The following MIGA1 variants were observed in gnomAD, a reference collection of about 807,000 sequenced individuals.
MIGA1 encodes the protein mitoguardin 1.
In MIGA1, 58 loss-of-function variants were observed where a neutral mutation model predicts 82.0. The observed-to-expected ratio is 0.71, with a 90% CI of 0.57 to 0.88. The LOEUF (loss-of-function observed/expected upper bound fraction) is 0.88, where lower values mean the gene tolerates loss of function less well. Among genes scored for constraint, MIGA1 ranks in the 40% least tolerant of loss-of-function variants. The pLI is 0.00. For synonymous variants in MIGA1, 249 were observed against 253.6 expected, an observed-to-expected ratio of 0.98 and a Z score of 0.17; for missense variants, 751 against 749.1, an observed-to-expected ratio of 1.00 and a Z score of -0.03.
At chr1:77,800,819 C>T (rs1324899538) in intron 2 of MIGA1, among the ~76,000 whole-genome samples, 1 of 152,160 alleles carries the variant, frequency 6.6e-6, no homozygotes, top group Non-Finnish European at 1.5e-5. Flanking sequence ...AATAGAATTA[C>T]AGTAAGATTT....
rs1646859701 is a variant in MIGA1, at chr1:77,872,924, T to C, written c.1564-80T>C. 1.9e-6 allele frequency: 3 copies of C among 1,567,420 alleles called. No homozygotes were observed. The African/African-American group carries it at 4.1e-5, about 21-fold the overall frequency. ...AAACTCCCACTGGTCATATAATGAA[T>C]AGCAACTTCAGTTTCTGTACTAGAG... On this transcript the variant is annotated intron_variant, in intron 14 of 15. Coordinates refer to ENST00000370791, the MANE Select transcript of MIGA1 (RefSeq NM_198549.4).
At chr1:77,813,171 G>T (rs951942378) in intron 5 of MIGA1, among the ~76,000 whole-genome samples, 2 of 151,914 alleles carry the variant, frequency 1.3e-5, no homozygotes, top group African/African-American at 4.8e-5. Context: ...TAGTAGAGAT[G>T]GGGTTTTACC....
intron 2 of MIGA1, among the ~76,000 whole-genome samples, chr1:77,788,474 T>C (rs756967608): frequency 1.3e-5 from 2 of 152,242 alleles, no homozygotes; most frequent in Non-Finnish European, 2.9e-5. Context: ...ATGGTGTCTT[T>C]TGATGCACAA....
chr1:77,813,056 C>T (rs902392456), intron 5 of MIGA1, among the ~76,000 whole-genome samples: 5 of 152,168 alleles, frequency 3.3e-5, no homozygotes, highest in Non-Finnish European at 7.4e-5. Context: ...TCTCGGCTCA[C>T]TGCAACCTCT....
intron 8 of MIGA1, among the ~76,000 whole-genome samples, chr1:77,852,930 A>G (rs2101915916): frequency 6.6e-6 from 1 of 152,306 alleles, no homozygotes; most frequent in East Asian, 1.9e-4. Context: ...ACCTCAAGTG[A>G]TCCGCCTGCC....
chr1:77,828,897 G>C (rs998444547), intron 7 of MIGA1, among the ~76,000 whole-genome samples: 3 of 152,124 alleles, frequency 2.0e-5, no homozygotes, highest in Admixed American at 6.6e-5. Context: ...GGCTGGGCTC[G>C]AACTCCTGGG....
chr1:77,808,670 AG>A (rs1183895219), intron 5 of MIGA1, among the ~76,000 whole-genome samples: 2 of 152,194 alleles, frequency 1.3e-5, no homozygotes, highest in African/African-American at 4.8e-5. Flanking sequence ...GTTCTGTTTC[AG>A]GCTATCCTCC....
At chr1:77,826,930 G>A (rs956304568) in intron 7 of MIGA1, among the ~76,000 whole-genome samples, 1 of 151,044 alleles carries the variant, frequency 6.6e-6, no homozygotes, top group African/African-American at 2.4e-5. Context: ...TCAGCCTCCC[G>A]AGTAACTGGG....
chr1:77,805,813 C>T (rs1003193295), intron 4 of MIGA1, among the ~76,000 whole-genome samples: 14 of 152,108 alleles, frequency 9.2e-5, no homozygotes, highest in East Asian at 5.8e-4. Flanking sequence ...TGAGCCTCTG[C>T]GCCTGGCCAG....
Position 77,857,584 on chromosome 1 carries a change from G to A in MIGA1, c.997-1354G>A, listed in dbSNP as rs370914666. 2.5e-3 allele frequency among the ~76,000 whole-genome samples: 385 copies of A among 152,154 alleles called. 2 individuals are homozygous for A. The highest frequency in any genetic ancestry group is 9.0e-3 in the African/African-American group (374 of 41,528). The stretch of plus-strand genomic sequence containing the variant: ...AGCCCCAGCTACTCGGGAGGCTGAG[G>A]CAGGAGGATCACTTGAGCCCAGGAG... On this transcript the variant is annotated intron_variant, in intron 8 of 15. Coordinates refer to ENST00000370791, the MANE Select transcript of MIGA1 (RefSeq NM_198549.4).
chr1:77,843,419 G>A lies in MIGA1; in HGVS notation c.996+12G>A, dbSNP rs746303274. On this transcript the variant is annotated intron_variant, in intron 8 of 15. Transcript: ENST00000370791. The stretch of plus-strand genomic sequence containing the variant: ...CTTCCGCAGCAGAGGTAGGACATAT[G>A]TGTTCCTAATGAGGATTTCTGTTTC... 6.3e-7 allele frequency: 1 copy of A among 1,599,456 alleles called. No homozygotes were observed. Among genetic ancestry groups the A allele is most frequent in the Non-Finnish European group, 8.6e-7 (1 of 1,166,880 alleles).
intron 14 of MIGA1, among the ~76,000 whole-genome samples, chr1:77,867,015 C>A (rs1016004353): frequency 6.6e-6 from 1 of 152,022 alleles, no homozygotes; most frequent in Non-Finnish European, 1.5e-5. Flanking sequence ...TAGTGGATTC[C>A]CTTCGTTTAA....
rs142009059 is a variant in MIGA1, at chr1:77,823,278, T to C, written c.895+8047T>C. The stretch of plus-strand genomic sequence containing the variant: ...TATCAGTATTGTGAATTATTTGGGG[T>C]TACTTTTGGTAGATGAAGTTAATAA... On this transcript the variant is annotated intron_variant, in intron 7 of 15. Coordinates refer to ENST00000370791, the MANE Select transcript of MIGA1 (RefSeq NM_198549.4). 1.6e-3 allele frequency among the ~76,000 whole-genome samples: 247 copies of C among 152,264 alleles called. 2 individuals are homozygous for C. The highest frequency in any genetic ancestry group is 5.7e-3 in the African/African-American group (237 of 41,548).
At chr1:77,845,208 A>T (rs947172072) in intron 8 of MIGA1, among the ~76,000 whole-genome samples, 2 of 152,106 alleles carry the variant, frequency 1.3e-5, no homozygotes, top group South Asian at 2.1e-4. Flanking sequence ...CATTAAAAAA[A>T]TTTTTCCACT....
intron 7 of MIGA1, among the ~76,000 whole-genome samples, chr1:77,820,636 C>G (rs187165070): frequency 2.6e-5 from 4 of 151,778 alleles, no homozygotes; most frequent in Non-Finnish European, 5.9e-5. Flanking sequence ...TGTTCTTATT[C>G]TACCTTTCTG....
chr1:77,805,442 A>G (rs193206766), intron 4 of MIGA1, among the ~76,000 whole-genome samples: 18 of 149,692 alleles, frequency 1.2e-4, no homozygotes, highest in Middle Eastern at 3.5e-3. Context: ...CGAGCAGCAT[A>G]ATGAAGAATA....
At chr1:77,826,471 A>G (rs960070027) in intron 7 of MIGA1, among the ~76,000 whole-genome samples, 4 of 152,100 alleles carry the variant, frequency 2.6e-5, no homozygotes, top group African/African-American at 9.7e-5. Context: ...ATATCCTATT[A>G]TTATTAATTA....
chr1:77,781,693 G>A (rs1379700877), intron 1 of MIGA1, among the ~76,000 whole-genome samples: 1 of 152,152 alleles, frequency 6.6e-6, no homozygotes, highest in Non-Finnish European at 1.5e-5. Context: ...ATAAATGTAT[G>A]TCAAGTAGAA....
chr1:77,780,897 T>C (rs1282689364), intron 1 of MIGA1, among the ~76,000 whole-genome samples: 1 of 151,372 alleles, frequency 6.6e-6, no homozygotes, highest in Non-Finnish European at 1.5e-5. Flanking sequence ...TCATAATATT[T>C]TTTCTTTTTT....
Sources: allele counts gnomAD v4.1 joint callset (sites outside exome capture counted in the v4.1 genomes callset), GRCh38; gene constraint gnomAD v4.1.1; transcripts MANE v1.5; gene names NCBI Gene and HGNC (gene_info 2026-07-23, HGNC 2026-07-21).